Variants in NWD2 observed in about 807,000 individuals in gnomAD.
NWD2 encodes NACHT and WD repeat domain containing 2, also known as NACHT and WD repeat domain-containing protein 2.
A neutral mutation model predicts 132.7 loss-of-function variants in NWD2; 37 were observed. That is an observed-to-expected ratio of 0.28 (90% CI 0.21 to 0.37). NWD2 has a LOEUF of 0.37. NWD2 is among the 10% of genes least tolerant of loss of function. The pLI is 1.00. For missense variants in NWD2, 1,592 were observed against 2,122.4 expected, an observed-to-expected ratio of 0.75 and a Z score of 4.91; for synonymous variants, 705 against 803.0, an observed-to-expected ratio of 0.88 and a Z score of 2.06.
chr4:37,416,186 T>C (rs1711595430), intron 3 of NWD2, among the ~76,000 whole-genome samples: 1 of 152,012 alleles, frequency 6.6e-6, no homozygotes, highest in Non-Finnish European at 1.5e-5. Flanking sequence ...CAGGCCGGGG[T>C]AGGGACCGAG....
chr4:37,335,974 A>G (rs2109292510), intron 2 of NWD2, among the ~76,000 whole-genome samples: 1 of 151,886 alleles, frequency 6.6e-6, no homozygotes, highest in Non-Finnish European at 1.5e-5. Context: ...AATGTGAGTC[A>G]CAGATGCAAG....
chr4:37,380,843 A>ATT (rs1720437586), intron 3 of NWD2, among the ~76,000 whole-genome samples: 4 of 152,184 alleles, frequency 2.6e-5, no homozygotes, highest in Admixed American at 6.5e-5. Flanking sequence ...ATTGATTCTG[A>ATT]CAAACTATTT....
chr4:37,348,776 T>C (rs1378779605), intron 2 of NWD2, among the ~76,000 whole-genome samples: 1 of 150,148 alleles, frequency 6.7e-6, no homozygotes, highest in African/African-American at 2.5e-5. Flanking sequence ...GGTGGTTTGC[T>C]GCACCCATCG....
chr4:37,382,050 A>G (rs1246152609), intron 3 of NWD2, among the ~76,000 whole-genome samples: 1 of 152,236 alleles, frequency 6.6e-6, no homozygotes, highest in African/African-American at 2.4e-5. Flanking sequence ...CTGCTCCAGC[A>G]TCTCACAAAT....
chr4:37,267,058 G>A (rs747510473), intron 1 of NWD2, among the ~76,000 whole-genome samples: 12 of 151,896 alleles, frequency 7.9e-5, no homozygotes, highest in Non-Finnish European at 1.6e-4. Context: ...AGGACATATA[G>A]CAAAGAGAAT....
At chr4:37,428,295 A>G (rs575671959) in intron 3 of NWD2, among the ~76,000 whole-genome samples, 22 of 152,362 alleles carry the variant, frequency 1.4e-4, no homozygotes, top group Admixed American at 1.4e-3. Flanking sequence ...ACACAGCTTG[A>G]TGTTTATGCT....
intron 3 of NWD2, among the ~76,000 whole-genome samples, chr4:37,422,803 T>C (rs1464919789): frequency 6.6e-6 from 1 of 152,334 alleles, no homozygotes; most frequent in South Asian, 2.1e-4. Flanking sequence ...CAAAACAATC[T>C]GCTTACATCA....
intron 1 of NWD2, among the ~76,000 whole-genome samples, chr4:37,323,269 C>T (rs9998839): frequency 0.071 from 10,858 of 152,120 alleles, 1,183 homozygotes; most frequent in African/African-American, 0.23. Context: ...AGACAACCTA[C>T]CGAATGGAAG....
intron 3 of NWD2, among the ~76,000 whole-genome samples, chr4:37,414,709 C>T (rs1000322265): frequency 3.9e-5 from 6 of 152,102 alleles, no homozygotes; most frequent in African/African-American, 1.2e-4. Flanking sequence ...TATAGCCTGA[C>T]ATTTGGAGAA....
At chr4:37,317,791 T>G (rs1022905564) in intron 1 of NWD2, among the ~76,000 whole-genome samples, 11 of 152,188 alleles carry the variant, frequency 7.2e-5, no homozygotes, top group African/African-American at 2.4e-4. Context: ...CAAGTATTTT[T>G]TAACATCACC....
intron 1 of NWD2, among the ~76,000 whole-genome samples, chr4:37,313,091 T>G (rs1446829436): frequency 6.6e-6 from 1 of 151,140 alleles, no homozygotes; most frequent in Admixed American, 6.5e-5. Flanking sequence ...AAAATTCTCT[T>G]TTTTGGTTTT....
At chr4:37,431,972 T>C (rs1034731879) in intron 4 of NWD2, among the ~76,000 whole-genome samples, 2 of 126,662 alleles carry the variant, frequency 1.6e-5, no homozygotes, top group African/African-American at 2.9e-5. Context: ...TAATATTAAT[T>C]GGTTAAAGTT....
intron 3 of NWD2, among the ~76,000 whole-genome samples, chr4:37,378,582 G>T (rs780984608): frequency 1.3e-5 from 2 of 152,144 alleles, no homozygotes; most frequent in Non-Finnish European, 2.9e-5. Flanking sequence ...TCACCATTCT[G>T]CTGGCACTTG....
At chr4:37,342,365 G>T (rs1352463536) in intron 2 of NWD2, among the ~76,000 whole-genome samples, 2 of 152,130 alleles carry the variant, frequency 1.3e-5, no homozygotes, top group Admixed American at 1.3e-4. Flanking sequence ...AAGCCAAGCA[G>T]ATGCTGGCGC....
chr4:37,276,024 A>G (rs1467257319), intron 1 of NWD2, among the ~76,000 whole-genome samples: 1 of 152,220 alleles, frequency 6.6e-6, no homozygotes, highest in East Asian at 1.9e-4. Flanking sequence ...AATACCATTC[A>G]GGACATAGGC....
chr4:37,391,806 C>CT (rs1202574334), intron 3 of NWD2, among the ~76,000 whole-genome samples: 1 of 152,226 alleles, frequency 6.6e-6, no homozygotes, highest in Non-Finnish European at 1.5e-5. Flanking sequence ...TCCTGCCCCG[C>CT]TGTCTTCCCC....
intron 2 of NWD2, among the ~76,000 whole-genome samples, chr4:37,345,113 T>C (rs1036196581): frequency 6.6e-6 from 1 of 152,248 alleles, no homozygotes; most frequent in African/African-American, 2.4e-5. Context: ...TATTTATCTG[T>C]TGATCACTTG....
At chr4:37,254,669 G>A (rs895418345) in intron 1 of NWD2, among the ~76,000 whole-genome samples, 1 of 152,114 alleles carries the variant, frequency 6.6e-6, no homozygotes. Context: ...GATTCATTCT[G>A]CACATTAAAG....
At chr4:37,324,535 A>G (rs558541448) in intron 1 of NWD2, among the ~76,000 whole-genome samples, 8 of 152,152 alleles carry the variant, frequency 5.3e-5, no homozygotes, top group Non-Finnish European at 1.0e-4. Context: ...TCTCAAGATT[A>G]TAGAAATTAT....
Sources: allele counts gnomAD v4.1 joint callset (sites outside exome capture counted in the v4.1 genomes callset), GRCh38; gene constraint gnomAD v4.1.1; transcripts MANE v1.5; gene names NCBI Gene and HGNC (gene_info 2026-07-23, HGNC 2026-07-21).